Variants in CDC42BPA observed in about 807,000 individuals in gnomAD.
CDC42BPA encodes CDC42 binding protein kinase alpha, also known as serine/threonine-protein kinase MRCK alpha.
Under a neutral mutation model 223.5 loss-of-function variants are expected in CDC42BPA, and 80 were observed. The observed-to-expected ratio is 0.36, with a 90% CI of 0.30 to 0.43. The LOEUF is 0.43. CDC42BPA is among the 20% of genes least tolerant of loss of function. The pLI is 1.00. For missense variants in CDC42BPA, 1,743 were observed against 2,099.9 expected (o/e 0.83, Z 3.32); for synonymous variants, 694 against 718.6 (o/e 0.97, Z 0.55).
chr1:227,306,938 A>C (rs903256703), intron 1 of CDC42BPA, among the ~76,000 whole-genome samples: 12 of 152,246 alleles, frequency 7.9e-5, no homozygotes, highest in Non-Finnish European at 4.4e-5. Context: ...ATGATACTTA[A>C]GGATGGGATT....
intron 15 of CDC42BPA, among the ~76,000 whole-genome samples, chr1:227,096,331 T>G (rs917716376): frequency 2.0e-5 from 3 of 152,220 alleles, no homozygotes; most frequent in African/African-American, 7.2e-5. Flanking sequence ...TTCTTTTTCC[T>G]GTTAGCATTA....
At chr1:227,146,740 T>A (rs1407968247) in intron 7 of CDC42BPA, among the ~76,000 whole-genome samples, 1 of 152,140 alleles carries the variant, frequency 6.6e-6, no homozygotes, top group Non-Finnish European at 1.5e-5. Context: ...AGAATAGGTA[T>A]CCTTGTACAT....
intron 2 of CDC42BPA, among the ~76,000 whole-genome samples, chr1:227,253,495 C>G (rs1411832391): frequency 6.6e-6 from 1 of 152,086 alleles, no homozygotes; most frequent in African/African-American, 2.4e-5. Flanking sequence ...ACTCGGGAGG[C>G]TGAAGCAGGA....
intron 1 of CDC42BPA, among the ~76,000 whole-genome samples, chr1:227,282,910 A>T (rs945566039): frequency 6.6e-6 from 1 of 152,230 alleles, no homozygotes; most frequent in African/African-American, 2.4e-5. Context: ...TCTGAGATGG[A>T]TGATCAGGAT....
At chr1:227,251,168 T>C (rs1327508156) in intron 2 of CDC42BPA, among the ~76,000 whole-genome samples, 1 of 151,220 alleles carries the variant, frequency 6.6e-6, no homozygotes, top group Non-Finnish European at 1.5e-5. Flanking sequence ...TAAACCTAAA[T>C]AAATAGGTAC....
chr1:227,206,950 C>CT (rs1672844747), intron 3 of CDC42BPA, among the ~76,000 whole-genome samples: 2 of 151,248 alleles, frequency 1.3e-5, no homozygotes. Flanking sequence ...TATTATTATA[C>CT]TTTAAGTTTT....
At chr1:227,167,234 T>C (rs1427687488) in intron 5 of CDC42BPA, among the ~76,000 whole-genome samples, 1 of 152,174 alleles carries the variant, frequency 6.6e-6, no homozygotes, top group African/African-American at 2.4e-5. Flanking sequence ...AAAATGCAAG[T>C]CCTCGTCCTT....
At chr1:227,148,110 T>C (rs535322140) in intron 6 of CDC42BPA, among the ~76,000 whole-genome samples, 7 of 152,136 alleles carry the variant, frequency 4.6e-5, no homozygotes, top group Admixed American at 6.5e-5. Context: ...AAAGTTCCAA[T>C]AGAGAAAAAA....
chr1:227,299,792 C>G (rs146710666), intron 1 of CDC42BPA, among the ~76,000 whole-genome samples: 2 of 152,236 alleles, frequency 1.3e-5, no homozygotes, highest in East Asian at 3.9e-4. Flanking sequence ...AGTCAACAAA[C>G]TAAACAGAAT....
In CDC42BPA at chr1:226,994,551, G is replaced by C; in HGVS notation, c.5134-152C>G. On this transcript the variant is annotated intron_variant, in intron 36 of 36. Coordinates refer to ENST00000366766, the MANE Select transcript of CDC42BPA (RefSeq NM_001394014.1). The surrounding 1 kb of genome is among the most constrained non-coding windows in gnomAD (Gnocchi z 4.0). ...GTATAAAGCCCCTTCTATGAGCTGA[G>C]GAAGAGGCACGGAACATACAAGCTC... is the stretch of plus-strand genomic sequence containing the variant. 2 of 910,354 alleles carry C rather than the reference G, an allele frequency of 2.2e-6. No individual in the cohort carries two copies. Among genetic ancestry groups the C allele is most frequent in the Non-Finnish European group, 3.2e-6 (2 of 624,794 alleles). 56.4% of individuals were successfully genotyped at this position (910,354 alleles called of 1,614,324 possible).
chr1:227,168,731 T>C (rs1665576514), intron 5 of CDC42BPA, among the ~76,000 whole-genome samples: 1 of 151,970 alleles, frequency 6.6e-6, no homozygotes. Flanking sequence ...TCTCCTGACC[T>C]CGTGATCCAT....
At chr1:227,138,392 T>G (rs1329443560) in intron 10 of CDC42BPA, among the ~76,000 whole-genome samples, 1 of 151,816 alleles carries the variant, frequency 6.6e-6, no homozygotes, top group African/African-American at 2.4e-5. Flanking sequence ...CTCATTCAAT[T>G]AGAGACTTGC....
At chr1:227,220,727 C>T (rs976576927) in intron 2 of CDC42BPA, among the ~76,000 whole-genome samples, 3 of 152,104 alleles carry the variant, frequency 2.0e-5, no homozygotes, top group African/African-American at 7.2e-5. Context: ...CTAACAGTAT[C>T]ATTTGACATC....
At chr1:227,253,251 AGAGAGAGC>A (rs1374750090) in intron 2 of CDC42BPA, among the ~76,000 whole-genome samples, 2 of 105,990 alleles carry the variant, frequency 1.9e-5, no homozygotes, top group African/African-American at 8.5e-5. Flanking sequence ...AGAGAGCGAG[AGAGAGAGC>A]GAGAGAGAGC....
chr1:227,016,039 C>T lies in CDC42BPA; in HGVS notation c.4857+41G>A, dbSNP rs375891076. On this transcript the variant is annotated intron_variant, in intron 34 of 36. Coordinates refer to ENST00000366766, the MANE Select transcript of CDC42BPA (RefSeq NM_001394014.1). ...TAAGCCTATGTATTTATACTCCCCC[C>T]ACACCCGCCCTTTTTTACACTCACT... 2.1e-4 allele frequency: 212 copies of T among 1,030,220 alleles called. No individual in the cohort carries two copies. The African/African-American group carries it at 2.9e-3, about 14-fold the overall frequency. 63.8% of individuals were successfully genotyped at this position (1,030,220 alleles called of 1,614,324 possible).
rs759829014 is a variant in CDC42BPA at position 227,051,855 on chromosome 1, G to A, written c.3009+26C>T. ...TTTTCTGACACAAGTGAAAAGTTGG[G>A]GAGCAGGGATGCTCCAATAAGGCAC... On this transcript the variant is annotated intron_variant, in intron 22 of 36. Coordinates refer to ENST00000366766, the MANE Select transcript of CDC42BPA (RefSeq NM_001394014.1). The A allele has an allele frequency of 4.7e-6, 6 of 1,280,354 alleles. No individual in the cohort carries two copies. The African/African-American group carries it at 6.1e-5, about 13-fold the overall frequency. The allele number at this position is 1,280,354 out of a possible 1,614,324, so 79.3% of individuals were successfully genotyped here.
chr1:227,023,942 A>G (rs1345395637), intron 31 of CDC42BPA, among the ~76,000 whole-genome samples: 2 of 152,218 alleles, frequency 1.3e-5, no homozygotes, highest in Non-Finnish European at 2.9e-5. Flanking sequence ...TTAAGGTAGG[A>G]AAGAGTTTCT....
At chr1:227,036,562 T>C (rs986459988) in intron 24 of CDC42BPA, among the ~76,000 whole-genome samples, 1 of 151,620 alleles carries the variant, frequency 6.6e-6, no homozygotes, top group African/African-American at 2.4e-5. Context: ...CCCAAGCAGC[T>C]GGGACTACAG....
chr1:227,128,941 A>C (rs931168487), intron 11 of CDC42BPA, among the ~76,000 whole-genome samples, 168 bp downstream of exon 11: 3 of 152,168 alleles, frequency 2.0e-5, no homozygotes. Flanking sequence ...TCCCAGACCA[A>C]AATGTGAACT....
Sources: gnomAD v4.1 joint callset for allele counts (sites outside exome capture counted in the v4.1 genomes callset) on GRCh38, gnomAD v4.1.1 for gene constraint, Gnocchi (gnomAD v3.1) non-coding constraint, MANE v1.5 for transcripts, NCBI Gene and HGNC (gene_info 2026-07-23, HGNC 2026-07-21) for gene names.